The following MEGF11 variants were observed in gnomAD, a reference collection of about 807,000 sequenced individuals.
MEGF11 encodes multiple EGF like domains 11.
MEGF11 carries 126 observed loss-of-function variants against 146.6 expected under a neutral mutation model. The observed-to-expected ratio is 0.86, with a 90% CI of 0.74 to 1.00. MEGF11 has a LOEUF of 1.00. MEGF11 is among the 50% of genes least tolerant of loss of function. The probability of loss-of-function intolerance (pLI) is 0.00; values close to 1 mark genes in which losing one functional copy is unlikely to be tolerated. For missense variants in MEGF11, 1,509 were observed against 1,521.2 expected (o/e 0.99, Z 0.13); for synonymous variants, 532 against 583.4 (o/e 0.91, Z 1.27).
intron 5 of MEGF11, among the ~76,000 whole-genome samples, chr15:65,994,992 C>T (rs1291135494): frequency 6.6e-6 from 1 of 152,210 alleles, no homozygotes. Context: ...GAAGGCTGGG[C>T]TTGCTAGAGG....
At position 66,051,675 on chromosome 15, in the gene MEGF11, G is replaced by A. The variant is rs138956132; in HGVS notation, c.394+42727C>T. Among the ~76,000 whole-genome samples, 330 of 152,276 alleles carry A rather than the reference G, an allele frequency of 2.2e-3. 1 individual carries two copies. The highest frequency in any genetic ancestry group is 3.5e-3 in the Non-Finnish European group (238 of 68,024). ...CCCATCTGCAGGGGCTGGAGCCTTGGGGCATGCTCGGTGGCTCCTTGGCTC... is the reference window on the plus strand; with the variant it reads ...CCCATCTGCAGGGGCTGGAGCCTTGAGGCATGCTCGGTGGCTCCTTGGCTC... On this transcript the variant is annotated intron_variant, in intron 5 of 25. Transcript: ENST00000395614.
chr15:66,148,884 C>T (rs76220930), intron 1 of MEGF11, among the ~76,000 whole-genome samples: 1 of 152,240 alleles, frequency 6.6e-6, no homozygotes, highest in Non-Finnish European at 1.5e-5. Flanking sequence ...TAGGGTCCCC[C>T]AAATGGCTGA....
rs2081619303 is a variant in MEGF11 at position 65,981,019 on chromosome 15, C to T, written c.642-121G>A. 8 of 1,268,906 alleles carry T rather than the reference C, an allele frequency of 6.3e-6. No individual in the cohort carries two copies. The South Asian group carries it at 1.4e-4, about 22-fold the overall frequency. 78.6% of individuals were successfully genotyped at this position (1,268,906 alleles called of 1,614,324 possible). A position where few individuals can be genotyped will look rare whatever the true frequency, so the allele number is the denominator to read the frequency against. ...AATGGATCTGTATTAGGCACAGCAT[C>T]CGCTGAACTGCAGTCCTGCTCCCTG... On this transcript the variant is annotated intron_variant, in intron 6 of 25. Transcript: ENST00000395614.
intron 1 of MEGF11, among the ~76,000 whole-genome samples, chr15:66,231,113 T>G (rs141148508): frequency 1.8e-4 from 28 of 152,274 alleles, no homozygotes; most frequent in African/African-American, 6.5e-4. Context: ...TCCTGCAGAC[T>G]TTTTGGAACC....
chr15:65,929,587 G>A (rs1596856054), intron 12 of MEGF11, 133 bp downstream of exon 12: 1 of 1,103,158 alleles, frequency 9.1e-7, no homozygotes, highest in Non-Finnish European at 1.3e-6. Flanking sequence ...GACTAGGACT[G>A]TGACCTAAAT....
intron 7 of MEGF11, among the ~76,000 whole-genome samples, chr15:65,972,768 A>G (rs924167528): frequency 1.3e-5 from 2 of 152,240 alleles, no homozygotes; most frequent in Non-Finnish European, 2.9e-5. Flanking sequence ...AGCCTCAAAA[A>G]GTTAACCTTC....
At chr15:66,015,537 G>C (rs1376180292) in intron 5 of MEGF11, among the ~76,000 whole-genome samples, 1 of 152,146 alleles carries the variant, frequency 6.6e-6, no homozygotes, top group Non-Finnish European at 1.5e-5. Flanking sequence ...GGTGAAGAAA[G>C]TCATAAAAGT....
In MEGF11 at chr15:66,025,577, C is replaced by A. The variant is rs1373284164; in HGVS notation, c.395-43089G>T. On this transcript the variant is annotated intron_variant, in intron 5 of 25. Coordinates refer to ENST00000395614, the MANE Select transcript of MEGF11 (RefSeq NM_001385028.1). ...GACCTTGAGCTAAAACCTAAAATCT[C>A]CAAGCCTCAATTTCTTAACCTATAA... 2.0e-5 allele frequency among the ~76,000 whole-genome samples: 3 copies of A among 152,298 alleles called. No homozygotes were observed. The South Asian group carries it at 6.2e-4, about 32-fold the overall frequency.
At chr15:66,144,614 C>G (rs902301348) in intron 1 of MEGF11, among the ~76,000 whole-genome samples, 1 of 152,210 alleles carries the variant, frequency 6.6e-6, no homozygotes, top group Non-Finnish European at 1.5e-5. Context: ...GGAATGCCCA[C>G]TGACCCCTCC....
intron 2 of MEGF11, among the ~76,000 whole-genome samples, chr15:66,125,469 G>A (rs917366281): frequency 7.2e-5 from 11 of 152,200 alleles, no homozygotes; most frequent in Non-Finnish European, 1.6e-4. Flanking sequence ...ATCCAAACGC[G>A]GAGGCAGTAG....
intron 1 of MEGF11, among the ~76,000 whole-genome samples, chr15:66,224,742 A>T (rs2091815106): frequency 6.8e-6 from 1 of 146,376 alleles, no homozygotes; most frequent in Non-Finnish European, 1.5e-5. Flanking sequence ...TATATCTCAT[A>T]TATATATATT....
chr15:65,906,316 A>G (rs1467424260), intron 23 of MEGF11, among the ~76,000 whole-genome samples, 175 bp from the exon 24 acceptor site: 1 of 152,086 alleles, frequency 6.6e-6, no homozygotes, highest in Non-Finnish European at 1.5e-5. Flanking sequence ...AATTGTTTTG[A>G]TAAATGATTC....
intron 5 of MEGF11, among the ~76,000 whole-genome samples, chr15:66,048,817 G>T (rs1000389466): frequency 6.6e-6 from 1 of 152,104 alleles, no homozygotes; most frequent in Non-Finnish European, 1.5e-5. Context: ...AAATCCTAAC[G>T]CTATCCCCTT....
intron 5 of MEGF11, among the ~76,000 whole-genome samples, chr15:66,084,427 C>G (rs866813918): frequency 3.3e-5 from 5 of 152,094 alleles, no homozygotes; most frequent in Non-Finnish European, 7.4e-5. Context: ...AACCACAGAC[C>G]CTCTGAAGGA....
At chr15:66,247,667 A>C (rs969034492) in intron 1 of MEGF11, among the ~76,000 whole-genome samples, 2 of 152,126 alleles carry the variant, frequency 1.3e-5, no homozygotes, top group Non-Finnish European at 2.9e-5. Context: ...CTTGAGCCCA[A>C]GAGTTTGAGG....
At chr15:65,973,605 T>C (rs79392684) in intron 7 of MEGF11, among the ~76,000 whole-genome samples, 11,343 of 152,224 alleles carry the variant, frequency 0.075, 567 homozygotes, top group South Asian at 0.15. Flanking sequence ...CCCTCCAGCC[T>C]GGGCGACACA....
At chr15:65,924,817 C>T (rs566596460) in intron 13 of MEGF11, among the ~76,000 whole-genome samples, 2 of 152,072 alleles carry the variant, frequency 1.3e-5, no homozygotes, top group East Asian at 1.9e-4. Flanking sequence ...TTAGTAGAGA[C>T]GGGGTTCCTC....
At chr15:66,140,009 A>G (rs1336276727) in intron 1 of MEGF11, among the ~76,000 whole-genome samples, 2 of 151,842 alleles carry the variant, frequency 1.3e-5, no homozygotes, top group Non-Finnish European at 2.9e-5. Context: ...AGCCGATCAC[A>G]CTCCCCGGTG....
intron 1 of MEGF11, among the ~76,000 whole-genome samples, chr15:66,184,319 C>G (rs7180751): frequency 0.8 from 121,256 of 151,998 alleles, 48,951 homozygotes; most frequent in African/African-American, 0.92. Flanking sequence ...TCCACTTCAA[C>G]CTGAGCTGAG....
Sources: gnomAD v4.1 joint callset for allele counts (sites outside exome capture counted in the v4.1 genomes callset) on GRCh38, gnomAD v4.1.1 for gene constraint, MANE v1.5 for transcripts, NCBI Gene and HGNC (gene_info 2026-07-23, HGNC 2026-07-21) for gene names.